The following NCOA1 variants were observed in gnomAD, a reference collection of about 807,000 sequenced individuals.
The protein encoded by NCOA1 is nuclear receptor coactivator 1, also known as Hin-2 protein.
A neutral mutation model predicts 150.9 loss-of-function variants in NCOA1; 35 were observed. That is an observed-to-expected ratio of 0.23 (90% confidence interval 0.18 to 0.31). NCOA1 has a LOEUF of 0.31. Ranked by LOEUF, NCOA1 falls within the 10% of genes least tolerant of loss-of-function variation. The probability of loss-of-function intolerance (pLI) is 1.00; values close to 1 mark genes in which losing one functional copy is unlikely to be tolerated. For missense variants in NCOA1, 1,491 were observed against 1,749.3 expected, an observed-to-expected ratio of 0.85 and a Z score of 2.63; for synonymous variants, 590 against 630.0, an observed-to-expected ratio of 0.94 and a Z score of 0.95.
intron 3 of NCOA1, among the ~76,000 whole-genome samples, chr2:24,588,539 T>G (rs1467394171): frequency 1.3e-5 from 2 of 152,218 alleles, no homozygotes; most frequent in African/African-American, 4.8e-5. Flanking sequence ...AGCCTGCTAT[T>G]ATCTCCATTT....
chr2:24,644,138 C>G lies in NCOA1; in HGVS notation c.-18+16C>G, dbSNP rs1670355811. On this transcript the variant is annotated intron_variant, in intron 4 of 22. Coordinates refer to ENST00000348332, the MANE Select transcript of NCOA1 (RefSeq NM_003743.5). ...AGTCTCCCAGGTAGGAATTGTAGTTCTATTTTTAAAGAGCTTTGTCTCTGC... is the reference window on the plus strand; with the variant it reads ...AGTCTCCCAGGTAGGAATTGTAGTTGTATTTTTAAAGAGCTTTGTCTCTGC... The G allele has an allele frequency of 6.6e-6, 1 of 152,126 alleles. No homozygotes were observed. Among genetic ancestry groups the G allele is most frequent in the African/African-American group, 2.4e-5 (1 of 41,412 alleles). The allele number at this position is 152,126 out of a possible 1,614,324, so 9.4% of individuals were successfully genotyped here.
At chr2:24,649,747 A>AAAATAAACT (rs1491191803) in intron 4 of NCOA1, among the ~76,000 whole-genome samples, 1 of 149,980 alleles carries the variant, frequency 6.7e-6, no homozygotes, top group Non-Finnish European at 1.5e-5. Flanking sequence ...AATAGAAAAC[A>AAAATAAACT]AAATAAACTT....
rs1326053371 is a variant in NCOA1, at chr2:24,707,352, C to G, written c.1882C>G (p.Gln628Glu). Residue 628 changes from glutamine (Q) to glutamate (E), a missense_variant, in exon 13 of 23, where the codon CAA becomes GAA. Transcript: ENST00000348332. Reference sequence around the variant, plus strand: ...TTCAGATGGAGACAGTAAATACTCTCAAACCAGTCACAAACTAGTGCAGCT... The same window carrying G: ...TTCAGATGGAGACAGTAAATACTCTGAAACCAGTCACAAACTAGTGCAGCT... ...RLSDGDSKYS[Q>E]TSHKLVQLLT... 1.2e-6 allele frequency: 2 copies of G among 1,614,084 alleles called. No homozygotes were observed. Among genetic ancestry groups the G allele is most frequent in the Non-Finnish European group, 1.7e-6 (2 of 1,180,044 alleles).
At chr2:24,704,354 TA>T (rs200217898) in intron 11 of NCOA1, among the ~76,000 whole-genome samples, 1 of 151,150 alleles carries the variant, frequency 6.6e-6, no homozygotes, top group Non-Finnish European at 1.5e-5. Context: ...AGCTGTTATT[TA>T]AAAAAAAACC....
At chr2:24,674,853 G>T (rs991057862) in intron 7 of NCOA1, among the ~76,000 whole-genome samples, 1 of 151,906 alleles carries the variant, frequency 6.6e-6, no homozygotes, top group Non-Finnish European at 1.5e-5. Context: ...GTTTCCATTG[G>T]TCCATAAGAA....
At chr2:24,751,616 C>T (rs1304210722) in intron 19 of NCOA1, among the ~76,000 whole-genome samples, 1 of 151,660 alleles carries the variant, frequency 6.6e-6, no homozygotes, top group Non-Finnish European at 1.5e-5. Flanking sequence ...ATTTACTACA[C>T]AAGTAATTCA....
chr2:24,493,674 T>G (rs1663076840), intron 1 of NCOA1, among the ~76,000 whole-genome samples: 1 of 152,222 alleles, frequency 6.6e-6, no homozygotes. Context: ...AGACAATGCT[T>G]CTTCCTGCCT....
rs766565729 is a variant in NCOA1, at chr2:24,706,960, T to C, written c.1490T>C (p.Leu497Ser). The stretch of plus-strand genomic sequence containing the variant: ...CCAAGGAGACAGGTTACTTCTGGAT[T>C]GGCAACAAGGCCCAGGATGCCAAAC... ...MSPRRQVTSG[L>S]ATRPRMPNNS... The change falls in exon 13 of 23, where the codon TTG becomes TCG. Residue 497 changes from leucine (L) to serine (S), a missense_variant. Transcript: ENST00000348332. 2.0e-5 allele frequency: 33 copies of C among 1,614,098 alleles called. No individual in the cohort carries two copies. The highest frequency in any genetic ancestry group is 2.6e-5 in the Non-Finnish European group (31 of 1,180,046).
intron 7 of NCOA1, among the ~76,000 whole-genome samples, chr2:24,681,439 A>G (rs1030375687): frequency 1.3e-5 from 2 of 152,264 alleles, no homozygotes; most frequent in African/African-American, 4.8e-5. Context: ...GAGATAAGAT[A>G]AATTATACAA....
intron 1 of NCOA1, among the ~76,000 whole-genome samples, chr2:24,521,474 T>C (rs752108723): frequency 6.6e-6 from 1 of 152,222 alleles, no homozygotes; most frequent in Non-Finnish European, 1.5e-5. Context: ...AAGTATTTAG[T>C]GAGATCATGT....
At chr2:24,728,216 T>G in intron 15 of NCOA1, 92 bp from the exon 16 acceptor site, 1 of 1,178,678 alleles carries the variant, frequency 8.5e-7, no homozygotes, top group South Asian at 1.8e-5. Flanking sequence ...GTGAATTTTC[T>G]AAGACCAAAT....
intron 1 of NCOA1, among the ~76,000 whole-genome samples, chr2:24,516,977 C>CGTAT (rs143605372): frequency 3.4e-5 from 2 of 58,998 alleles, no homozygotes; most frequent in African/African-American, 9.2e-5. Context: ...TATATATACA[C>CGTAT]ATATACGTAT....
At chr2:24,714,624 A>G (rs1673925169) in intron 14 of NCOA1, among the ~76,000 whole-genome samples, 1 of 152,148 alleles carries the variant, frequency 6.6e-6, no homozygotes, top group African/African-American at 2.4e-5. Flanking sequence ...AACATGACAT[A>G]GTATTAGAAA....
chr2:24,685,096 TTA>T (rs879492246), intron 8 of NCOA1, among the ~76,000 whole-genome samples: 15 of 151,460 alleles, frequency 9.9e-5, no homozygotes, highest in African/African-American at 2.7e-4. Context: ...GGATCATTAT[TTA>T]TATATATATA....
intron 19 of NCOA1, among the ~76,000 whole-genome samples, chr2:24,742,454 C>G (rs1663654608): frequency 1.3e-5 from 2 of 148,436 alleles, no homozygotes. Flanking sequence ...TACGTTCCCC[C>G]TTTTTTTTTT....
chr2:24,673,717 T>C (rs1671781545), intron 7 of NCOA1, among the ~76,000 whole-genome samples: 1 of 152,178 alleles, frequency 6.6e-6, no homozygotes, highest in Non-Finnish European at 1.5e-5. Flanking sequence ...TTATATGGCT[T>C]TGCCTTTTAT....
intron 1 of NCOA1, among the ~76,000 whole-genome samples, chr2:24,531,891 A>G (rs1306314733): frequency 6.6e-6 from 1 of 152,152 alleles, no homozygotes; most frequent in African/African-American, 2.4e-5. Flanking sequence ...AGTCTTTGCT[A>G]TTGTGAATAA....
intron 1 of NCOA1, among the ~76,000 whole-genome samples, chr2:24,530,077 A>G (rs180906387): frequency 1.3e-5 from 2 of 152,340 alleles, no homozygotes; most frequent in African/African-American, 4.8e-5. Context: ...AAGAGTTGCA[A>G]CCAAAGATTT....
intron 6 of NCOA1, among the ~76,000 whole-genome samples, chr2:24,667,572 T>C (rs1456569819): frequency 2.6e-5 from 4 of 152,086 alleles, no homozygotes; most frequent in African/African-American, 9.7e-5. Flanking sequence ...CTGGGAGACA[T>C]GAGGGAAGGT....
Sources: allele counts gnomAD v4.1 joint callset (sites outside exome capture counted in the v4.1 genomes callset), GRCh38; gene constraint gnomAD v4.1.1; transcripts MANE v1.5; gene names NCBI Gene and HGNC (gene_info 2026-07-23, HGNC 2026-07-21).